The following RFX6 variants were observed in gnomAD, a reference collection of about 807,000 sequenced individuals.
RFX6 encodes regulatory factor X6, also known as DNA-binding protein RFX6.
Under a neutral mutation model 110.8 loss-of-function variants are expected in RFX6, and 50 were observed. The observed-to-expected ratio is 0.45, with a 90% CI of 0.36 to 0.57. RFX6 has a LOEUF of 0.57. RFX6 is among the 20% of genes least tolerant of loss of function. The pLI is 0.00. For synonymous variants in RFX6, 383 were observed against 411.2 expected (o/e 0.93, Z 0.83); for missense variants, 990 against 1,127.0 (o/e 0.88, Z 1.74).
At chr6:116,893,924 T>A in intron 4 of RFX6, 63 bp from the exon 5 acceptor site, 1 of 916,826 alleles carries the variant, frequency 1.1e-6, no homozygotes, top group Non-Finnish European at 1.8e-6. Context: ...TATACCTTAG[T>A]CTCTTTTTCC....
chr6:116,893,909 T>C (rs1322469829), intron 4 of RFX6, 78 bp from the exon 5 acceptor site: 3 of 843,064 alleles, frequency 3.6e-6, no homozygotes, highest in Non-Finnish European at 6.3e-6. Flanking sequence ...CATGGTTATG[T>C]CAGTTATACC....
In RFX6 at chr6:116,914,172, TC is replaced by T. The variant is rs1775415753; in HGVS notation, c.781-1835del. On this transcript the variant is annotated intron_variant, in intron 7 of 18. Coordinates refer to ENST00000332958, the MANE Select transcript of RFX6 (RefSeq NM_173560.4). The stretch of plus-strand genomic sequence containing the variant: ...GTTTAGGTCCCACATATGAGTGAGA[TC>T]ATGTGATATTTGTCTTTCTCTGCTT... Among the ~76,000 whole-genome samples the T allele has an allele frequency of 2.0e-5, 3 of 152,304 alleles. No individual in the cohort carries two copies. The South Asian group carries it at 6.2e-4, about 32-fold the overall frequency.
rs151067974 is a variant in RFX6 at position 116,882,369 on chromosome 6, A to T, written c.507A>T (p.Thr169=). The change falls in exon 4 of 19, where the codon ACA becomes ACT. Residue 169 remains threonine, a splice_region_variant and synonymous_variant. Transcript: ENST00000332958. ...EPACAATFGK[T]IRQKFPLLTT... ...AAAGTAATCATCTTTCTTTTTAGACAATTCGCCAGAAGTTTCCCCTCCTAA... is the reference window on the plus strand; with the variant it reads ...AAAGTAATCATCTTTCTTTTTAGACTATTCGCCAGAAGTTTCCCCTCCTAA... The T allele has an allele frequency of 2.4e-4, 381 of 1,612,270 alleles. No homozygotes were observed. The highest frequency in any genetic ancestry group is 3.0e-4 in the Non-Finnish European group (357 of 1,178,576).
At chr6:116,928,078 G>A (rs1273118028) in intron 17 of RFX6, among the ~76,000 whole-genome samples, 2 of 50,064 alleles carry the variant, frequency 4.0e-5, no homozygotes, top group Admixed American at 2.3e-4. Flanking sequence ...TACCGCATAT[G>A]TTAAAAAAAA....
At chr6:116,914,302 A>G (rs1036154732) in intron 7 of RFX6, among the ~76,000 whole-genome samples, 2 of 152,136 alleles carry the variant, frequency 1.3e-5, no homozygotes, top group African/African-American at 2.4e-5. Context: ...TGTATATACC[A>G]CATTTTCTTT....
At chr6:116,894,364 G>A (rs1442164065) in intron 5 of RFX6, among the ~76,000 whole-genome samples, 1 of 152,132 alleles carries the variant, frequency 6.6e-6, no homozygotes, top group Non-Finnish European at 1.5e-5. Context: ...TCTATTTTCA[G>A]GTTGGATTCA....
At chr6:116,889,760 T>C (rs958327893) in intron 4 of RFX6, among the ~76,000 whole-genome samples, 3 of 152,140 alleles carry the variant, frequency 2.0e-5, no homozygotes, top group Non-Finnish European at 4.4e-5. Flanking sequence ...CTTTAATTTC[T>C]ACCAAATTTT....
rs765558128 is a variant in RFX6 at position 116,927,539 on chromosome 6, G to A, written c.2398G>A (p.Gly800Arg). The change falls in exon 17 of 19, where the codon GGA becomes AGA. Residue 800 changes from glycine to arginine, a missense_variant and splice_region_variant. Gly to Arg is a moderately radical substitution (Grantham distance 125, BLOSUM62 -2). Around this residue, in one of 5 missense-constraint regions of RFX6, gnomAD observed 438 missense variants for 441.9 expected, o/e 0.99. Coordinates refer to ENST00000332958, the MANE Select transcript of RFX6 (RefSeq NM_173560.4). ...GATLPPNSPN[G>R]YYGSNINYPE... is the part of the protein sequence containing the mutation. ...AACACTGCCTCCTAATTCACCAAATGGTATTGATATTTAAAAGAATTTTTC... is the reference window on the plus strand; with the variant it reads ...AACACTGCCTCCTAATTCACCAAATAGTATTGATATTTAAAAGAATTTTTC... The A allele has an allele frequency of 6.2e-7, 1 of 1,612,330 alleles. No homozygotes were observed. Among genetic ancestry groups the A allele is most frequent in the South Asian group, 1.1e-5 (1 of 91,074 alleles).
rs904525476 is a variant in RFX6, at chr6:116,882,364, T to C, written c.505-3T>C. 12 of 1,611,846 alleles carry C rather than the reference T, an allele frequency of 7.4e-6. No individual in the cohort carries two copies. Among genetic ancestry groups the C allele is most frequent in the Admixed American group, 6.7e-5 (4 of 59,958 alleles). On this transcript the variant is annotated splice_region_variant and splice_polypyrimidine_tract_variant and intron_variant, in intron 3 of 18. Coordinates refer to ENST00000332958, the MANE Select transcript of RFX6 (RefSeq NM_173560.4). ...CGCCTAAAGTAATCATCTTTCTTTT[T>C]AGACAATTCGCCAGAAGTTTCCCCT...
intron 12 of RFX6, among the ~76,000 whole-genome samples, chr6:116,921,740 T>C (rs967689042): frequency 3.3e-5 from 5 of 151,676 alleles, no homozygotes; most frequent in Non-Finnish European, 5.9e-5. Context: ...GGAGGGTCAC[T>C]TGAGCCCAGG....
intron 6 of RFX6, among the ~76,000 whole-genome samples, chr6:116,908,854 T>C (rs895828790): frequency 6.6e-6 from 1 of 152,158 alleles, no homozygotes; most frequent in East Asian, 1.9e-4. Flanking sequence ...AACCTGAGTA[T>C]GATTGTACTT....
At chr6:116,926,006 T>C (rs1295344266) in intron 16 of RFX6, among the ~76,000 whole-genome samples, 1 of 152,114 alleles carries the variant, frequency 6.6e-6, no homozygotes, top group Admixed American at 6.5e-5. Context: ...GAGGAGACTT[T>C]ATTTCTCCTC....
intron 12 of RFX6, among the ~76,000 whole-genome samples, chr6:116,921,710 C>A (rs1186238037): frequency 6.6e-6 from 1 of 150,632 alleles, no homozygotes; most frequent in African/African-American, 2.4e-5. Context: ...GGAGTCCCAA[C>A]TGCTTGGGAG....
At chr6:116,930,368 A>G (rs1380893531) in intron 18 of RFX6, among the ~76,000 whole-genome samples, 2 of 151,782 alleles carry the variant, frequency 1.3e-5, no homozygotes, top group Admixed American at 6.6e-5. Context: ...AATGAATTTT[A>G]TTGAGAACCG....
chr6:116,927,743 C>CTTTTTTTTTTTT (rs60638457), intron 17 of RFX6, among the ~76,000 whole-genome samples: 6 of 119,520 alleles, frequency 5.0e-5, no homozygotes, highest in African/African-American at 1.3e-4. Flanking sequence ...GCCCTTCTTC[C>CTTTTTTTTTTTT]TTTTTTTTTT....
At chr6:116,879,888 T>C (rs918471016) in intron 2 of RFX6, among the ~76,000 whole-genome samples, 7 of 151,974 alleles carry the variant, frequency 4.6e-5, no homozygotes, top group African/African-American at 1.7e-4. Context: ...TAATATAAAG[T>C]TGAAGGTATA....
intron 6 of RFX6, among the ~76,000 whole-genome samples, chr6:116,895,498 A>G (rs1774924360): frequency 6.6e-6 from 1 of 152,188 alleles, no homozygotes; most frequent in Non-Finnish European, 1.5e-5. Flanking sequence ...TTATCCAAAA[A>G]GTTTCCACTT....
At chr6:116,894,883 C>T (rs527757235) in intron 5 of RFX6, among the ~76,000 whole-genome samples, 1 of 152,218 alleles carries the variant, frequency 6.6e-6, no homozygotes, top group African/African-American at 2.4e-5. Context: ...CACCACCCCA[C>T]TATAAAATGT....
intron 4 of RFX6, among the ~76,000 whole-genome samples, chr6:116,888,624 A>G (rs965317719): frequency 6.6e-6 from 1 of 152,164 alleles, no homozygotes; most frequent in Non-Finnish European, 1.5e-5. Context: ...ATGTTTGGGA[A>G]TCTTTATTCA....
Sources: allele counts gnomAD v4.1 joint callset (sites outside exome capture counted in the v4.1 genomes callset), GRCh38; gene constraint gnomAD v4.1.1; regional missense constraint gnomAD v4.1.1; transcripts MANE v1.5; gene names NCBI Gene and HGNC (gene_info 2026-07-23, HGNC 2026-07-21).